SFXN1: variants seen among roughly 807,000 people sequenced by gnomAD.
SFXN1 encodes the protein sideroflexin 1.
SFXN1 carries 32 observed loss-of-function variants against 39.5 expected under a neutral mutation model. The observed-to-expected ratio is 0.81, with a 90% CI of 0.61 to 1.09. The LOEUF is 1.09. Among genes scored for constraint, SFXN1 ranks in the 50% least tolerant of loss-of-function variants. The probability of loss-of-function intolerance (pLI) is 0.00; values close to 1 mark genes in which losing one functional copy is unlikely to be tolerated. For missense variants in SFXN1, 402 were observed against 407.1 expected (o/e 0.99, Z 0.11); for synonymous variants, 136 against 146.5 (o/e 0.93, Z 0.52).
chr5:175,487,809 C>T (rs143797479), intron 1 of SFXN1, among the ~76,000 whole-genome samples: 18 of 152,288 alleles, frequency 1.2e-4, no homozygotes, highest in Admixed American at 6.5e-4. Flanking sequence ...ATCTGAGCTT[C>T]CTGTCTTCTC....
At position 175,511,520 on chromosome 5, in the gene SFXN1, G is replaced by C; in HGVS notation, c.504G>C (p.Leu168Phe). The change falls in exon 5 of 11, where the codon TTG becomes TTC. Residue 168 changes from leucine (L) to phenylalanine (F), a missense_variant. Physicochemically the swap from Leu to Phe is conservative, Grantham distance 22. Transcript: ENST00000321442. ...CAACAGCTCTAGGACTCAATGCATT[G>C]ACCAAGGTACTCAGATTTTTATTTC... ...AVATALGLNA[L>F]TKHVSPLIGR... 1 of 1,613,164 alleles carries C rather than the reference G, an allele frequency of 6.2e-7. No individual in the cohort carries two copies. The highest frequency in any genetic ancestry group is 8.5e-7 in the Non-Finnish European group (1 of 1,179,496).
chr5:175,491,906 T>A (rs1759669390), intron 1 of SFXN1, 189 bp from the exon 2 acceptor site: 2 of 466,240 alleles, frequency 4.3e-6, no homozygotes, highest in Non-Finnish European at 3.8e-6. Context: ...TTAGTTAAGA[T>A]CAATTGAGAT....
chr5:175,512,112 A>G lies in SFXN1; in HGVS notation c.512A>G (p.His171Arg), dbSNP rs1043061649. The change falls in exon 6 of 11, where the codon CAT (histidine) becomes CGT (arginine). Residue 171 changes from histidine (H) to arginine (R), a missense_variant and splice_region_variant. Transcript: ENST00000321442. ...TALGLNALTK[H>R]VSPLIGRFVP... ...CTCTTGAAATTTTCTCCTCTGCAGC[A>G]TGTCTCACCACTGATAGGACGTTTT... 3.7e-6 allele frequency: 6 copies of G among 1,613,924 alleles called. No homozygotes were observed. Among genetic ancestry groups the G allele is most frequent in the Non-Finnish European group, 4.2e-6 (5 of 1,179,932 alleles).
At chr5:175,497,972 A>G (rs1177565617) in intron 2 of SFXN1, among the ~76,000 whole-genome samples, 1 of 151,782 alleles carries the variant, frequency 6.6e-6, no homozygotes, top group African/African-American at 2.4e-5. Context: ...TTGTAGTAGG[A>G]AATTCTAACA....
At chr5:175,515,287 G>C (rs1760680684) in intron 7 of SFXN1, among the ~76,000 whole-genome samples, 1 of 151,984 alleles carries the variant, frequency 6.6e-6, no homozygotes. Context: ...GTATACAGTT[G>C]TGAACCACCA....
chr5:175,484,853 G>A (rs981453123), intron 1 of SFXN1, among the ~76,000 whole-genome samples: 6 of 152,188 alleles, frequency 3.9e-5, no homozygotes, highest in Admixed American at 1.3e-4. Context: ...GCACCACCAC[G>A]CTCAGTGCTG....
rs1336266918 is a variant in SFXN1, at chr5:175,484,734, A to G, written c.-10+6095A>G. Among the ~76,000 whole-genome samples the G allele has an allele frequency of 2.0e-5, 3 of 152,300 alleles. 1 individual carries two copies. The highest frequency in any genetic ancestry group is 1.9e-4 in the East Asian group (1 of 5,184). On this transcript the variant is annotated intron_variant, in intron 1 of 10. Coordinates refer to ENST00000321442, the MANE Select transcript of SFXN1 (RefSeq NM_022754.7). ...CGTGTCAGCGCGCTTGCTAGACCCC[A>G]TTGATTTTTAGAGACGGGTTTTACT...
rs114561722 is a variant in SFXN1 at position 175,481,715 on chromosome 5, G to C, written c.-10+3076G>C. 4.4e-3 allele frequency among the ~76,000 whole-genome samples: 677 copies of C among 152,344 alleles called. 10 individuals are homozygous for C. Among genetic ancestry groups the C allele is most frequent in the African/African-American group, 0.016 (656 of 41,582 alleles). On this transcript the variant is annotated intron_variant, in intron 1 of 10. Transcript: ENST00000321442. ...CCTTGATTCTCCATGTCTTCCTGAT[G>C]CTAGGCAGGCCCAACGTCTCCATGC...
rs1428248620 is a variant in SFXN1, at chr5:175,527,977, T to G, written c.*1243T>G. ...CTCTGTCACCCAGGCTGGAGTGCAG[T>G]GGCGTAGTCTCGGCTCACTGCAAGC... On this transcript the variant is annotated 3_prime_UTR_variant, in exon 11 of 11. Coordinates refer to ENST00000321442, the MANE Select transcript of SFXN1 (RefSeq NM_022754.7). 1 of 148,016 alleles carries G rather than the reference T, an allele frequency of 6.8e-6. No homozygotes were observed. Among genetic ancestry groups the G allele is most frequent in the Non-Finnish European group, 1.5e-5 (1 of 67,734 alleles). 9.2% of individuals were successfully genotyped at this position (148,016 alleles called of 1,614,324 possible). A position where few individuals can be genotyped will look rare whatever the true frequency, so the allele number is the denominator to read the frequency against.
In SFXN1 at chr5:175,516,631, A is replaced by G. The variant is rs1285133766; in HGVS notation, c.742A>G (p.Met248Val). 1.2e-6 allele frequency: 2 copies of G among 1,613,128 alleles called. No homozygotes were observed. The highest frequency in any genetic ancestry group is 2.2e-5 in the East Asian group (1 of 44,844). ...ATTTCCAGCCATCCCTCCATTCATT[A>G]TGAACACTTTGGAAAAGAAAGCCTT... ...APGMAIPPFIMNTLEKKAFLK... is the reference protein window; with the variant it reads ...APGMAIPPFIVNTLEKKAFLK... Residue 248 changes from methionine (M) to valine (V), a missense_variant, in exon 8 of 11, where the codon ATG (methionine) becomes GTG (valine). Met to Val is a conservative substitution (Grantham distance 21). Coordinates refer to ENST00000321442, the MANE Select transcript of SFXN1 (RefSeq NM_022754.7).
chr5:175,495,917 TGAGACG>T (rs1459034257), intron 2 of SFXN1, among the ~76,000 whole-genome samples: 1 of 137,312 alleles, frequency 7.3e-6, no homozygotes, highest in African/African-American at 2.8e-5. Flanking sequence ...TTTTTTTTTT[TGAGACG>T]GAGTTTCGCT....
chr5:175,479,215 A>G (rs1020592522), intron 1 of SFXN1, among the ~76,000 whole-genome samples: 12 of 152,212 alleles, frequency 7.9e-5, no homozygotes, highest in African/African-American at 2.7e-4. Flanking sequence ...TTTTCTCCTG[A>G]ACTTTCACGT....
intron 2 of SFXN1, among the ~76,000 whole-genome samples, chr5:175,501,928 TTTA>T (rs1166744104): frequency 2.0e-5 from 3 of 152,140 alleles, no homozygotes; most frequent in Admixed American, 2.0e-4. Context: ...AGACCGGAGT[TTTA>T]TTATTATTCA....
chr5:175,483,483 A>ACAGCT (rs1297405568), intron 1 of SFXN1: 1 of 152,238 alleles, frequency 6.6e-6, no homozygotes, highest in Non-Finnish European at 1.5e-5. Context: ...AAGCCACATT[A>ACAGCT]CAGCTAGTGC....
In SFXN1 at chr5:175,526,695, T is replaced by C. The variant is rs201866071; in HGVS notation, c.930T>C (p.His310=). 53 of 1,614,174 alleles carry C rather than the reference T, an allele frequency of 3.3e-5. No individual in the cohort carries two copies. The highest frequency in any genetic ancestry group is 5.0e-5 in the Admixed American group (3 of 60,032). Reference sequence around the variant, plus strand: ...TGCAAGCTAAGATCCAAGAGAGCCATCCTGAATTGCGACGCGTGTACTTCA... The same window carrying C: ...TGCAAGCTAAGATCCAAGAGAGCCACCCTGAATTGCGACGCGTGTACTTCA... ...AELQAKIQES[H]PELRRVYFNK... The change falls in exon 11 of 11, where the codon CAT becomes CAC. Residue 310 remains histidine, a synonymous_variant. Coordinates refer to ENST00000321442, the MANE Select transcript of SFXN1 (RefSeq NM_022754.7).
At chr5:175,490,845 TA>T (rs1454010619) in intron 1 of SFXN1, among the ~76,000 whole-genome samples, 3 of 150,826 alleles carry the variant, frequency 2.0e-5, no homozygotes, top group African/African-American at 7.3e-5. Context: ...GCTCATGAAA[TA>T]AGTGCAAAAA....
intron 2 of SFXN1, among the ~76,000 whole-genome samples, chr5:175,494,740 G>A (rs1240137189): frequency 2.7e-5 from 4 of 145,992 alleles, no homozygotes; most frequent in Non-Finnish European, 6.0e-5. Flanking sequence ...CAACAAGCAC[G>A]AAACTCCACC....
intron 2 of SFXN1, among the ~76,000 whole-genome samples, chr5:175,492,713 C>T (rs944685616): frequency 6.6e-6 from 1 of 152,154 alleles, no homozygotes; most frequent in Non-Finnish European, 1.5e-5. Context: ...GGTAGGAGCT[C>T]AGATGGGAAG....
intron 1 of SFXN1, among the ~76,000 whole-genome samples, chr5:175,486,336 C>G (rs1032183260): frequency 6.6e-6 from 1 of 152,242 alleles, no homozygotes; most frequent in African/African-American, 2.4e-5. Flanking sequence ...GTTTCTGCTG[C>G]CAGCATCTGC....
Sources: gnomAD v4.1 joint callset for allele counts (sites outside exome capture counted in the v4.1 genomes callset) on GRCh38, gnomAD v4.1.1 for gene constraint, MANE v1.5 for transcripts, NCBI Gene and HGNC (gene_info 2026-07-23, HGNC 2026-07-21) for gene names.